Variants in ANK1 observed in about 807,000 individuals in gnomAD.
ANK1 encodes the protein ankyrin-1.
In ANK1, 51 loss-of-function variants were observed where a neutral mutation model predicts 210.4. The observed-to-expected ratio is 0.24, with a 90% CI of 0.19 to 0.31. ANK1 has a LOEUF of 0.31. Ranked by LOEUF, ANK1 falls within the 10% of genes least tolerant of loss-of-function variation. The pLI is 1.00. For missense variants in ANK1, 2,051 were observed against 2,504.4 expected, an observed-to-expected ratio of 0.82 and a Z score of 3.86; for synonymous variants, 967 against 1,025.9, an observed-to-expected ratio of 0.94 and a Z score of 1.10.
intron 1 of ANK1, among the ~76,000 whole-genome samples, chr8:41,861,548 G>A (rs139534634): frequency 2.0e-4 from 30 of 152,332 alleles, no homozygotes; most frequent in African/African-American, 6.5e-4. Context: ...AGCAGCAGCC[G>A]TGGCTTGGGA....
chr8:41,695,572 T>C (rs1033430664), intron 26 of ANK1, among the ~76,000 whole-genome samples: 6 of 152,342 alleles, frequency 3.9e-5, no homozygotes, highest in Non-Finnish European at 5.9e-5. Context: ...ACCAGTCTCA[T>C]TTCATGCGGG....
At position 41,728,013 on chromosome 8, in the gene ANK1, C is replaced by T; in HGVS notation, c.229-7G>A. 1 of 1,613,742 alleles carries T rather than the reference C, an allele frequency of 6.2e-7. No individual in the cohort carries two copies. Among genetic ancestry groups the T allele is most frequent in the Non-Finnish European group, 8.5e-7 (1 of 1,179,916 alleles). ...GCAGGGCCGTGTTCCCCTTCTGAAA[C>T]ACATGGGGGAAGGGAACAGAGGCGG... On this transcript the variant is annotated splice_region_variant and splice_polypyrimidine_tract_variant and intron_variant, in intron 3 of 42. Coordinates refer to ENST00000289734, the MANE Select transcript of ANK1 (RefSeq NM_000037.4).
intron 2 of ANK1, among the ~76,000 whole-genome samples, chr8:41,754,490 C>T (rs1289474550): frequency 1.3e-5 from 2 of 152,292 alleles, no homozygotes; most frequent in Non-Finnish European, 2.9e-5. Context: ...GCAAACAGTA[C>T]GCATTCTTTC....
At chr8:41,720,877 T>C (rs2150646640) in intron 9 of ANK1, among the ~76,000 whole-genome samples, 1 of 152,150 alleles carries the variant, frequency 6.6e-6, no homozygotes, top group Middle Eastern at 3.4e-3. Context: ...AGTTCGACAG[T>C]CCGGGGTGAG....
At chr8:41,717,298 T>C (rs1344745972) in intron 12 of ANK1, among the ~76,000 whole-genome samples, 1 of 152,260 alleles carries the variant, frequency 6.6e-6, no homozygotes, top group Non-Finnish European at 1.5e-5. Flanking sequence ...TGTCTGTGTA[T>C]TCTAGGTACA....
intron 1 of ANK1, among the ~76,000 whole-genome samples, chr8:41,835,458 A>G (rs545062001): frequency 3.3e-5 from 5 of 152,142 alleles, no homozygotes; most frequent in Non-Finnish European, 7.3e-5. Flanking sequence ...TCTCAAAAAT[A>G]AAATAAAATA....
At chr8:41,854,308 C>T (rs915771388) in intron 1 of ANK1, among the ~76,000 whole-genome samples, 8 of 152,154 alleles carry the variant, frequency 5.3e-5, no homozygotes, top group Non-Finnish European at 8.8e-5. Context: ...TGCTGTGACT[C>T]CGAATCTAGA....
At chr8:41,661,076 C>G in intron 42 of ANK1, 1 of 319,560 alleles carries the variant, frequency 3.1e-6, no homozygotes, top group South Asian at 3.1e-5. Flanking sequence ...GGGTCTTGCT[C>G]TGTTGCCCAG....
At chr8:41,841,767 C>T (rs941153509) in intron 1 of ANK1, among the ~76,000 whole-genome samples, 13 of 152,154 alleles carry the variant, frequency 8.5e-5, no homozygotes, top group East Asian at 1.9e-4. Flanking sequence ...TGACCCTTTC[C>T]GCCACACATC....
Position 41,693,143 on chromosome 8 carries a change from G to A in ANK1, c.3591C>T (p.Ala1197=), listed in dbSNP as rs1490565315. The A allele has an allele frequency of 1.2e-6, 2 of 1,613,884 alleles. No individual in the cohort carries two copies. The highest frequency in any genetic ancestry group is 1.3e-5 in the African/African-American group (1 of 75,046). ...DITGTTKLVY[A]NECANFTTNV... is the part of the protein sequence containing the mutation. The stretch of plus-strand genomic sequence containing the variant: ...TGGTGGTGAAGTTGGCGCACTCGTT[G>A]GCATATACAAGTTTGGTGGTTCCTG... Residue 1197 remains alanine, a synonymous_variant, in exon 30 of 43, where the codon GCC becomes GCT. Transcript: ENST00000289734.
At chr8:41,777,844 T>C (rs1381563277) in intron 1 of ANK1, among the ~76,000 whole-genome samples, 1 of 152,130 alleles carries the variant, frequency 6.6e-6, no homozygotes, top group East Asian at 1.9e-4. Context: ...GCACAGTGAA[T>C]CTAGTATCAA....
chr8:41,701,952 C>T (rs2839767), intron 21 of ANK1, 100 bp downstream of exon 21: 2 of 1,298,484 alleles, frequency 1.5e-6, no homozygotes, highest in African/African-American at 2.9e-5. Flanking sequence ...ACCCGCGTCC[C>T]GGAGCCCCAG....
chr8:41,737,930 T>G (rs1833841281), intron 2 of ANK1, among the ~76,000 whole-genome samples: 1 of 152,258 alleles, frequency 6.6e-6, no homozygotes, highest in South Asian at 2.1e-4. Flanking sequence ...GAACCTCGTC[T>G]GTGTCTGGCC....
In ANK1 at chr8:41,758,232, C is replaced by T. The variant is rs974811097; in HGVS notation, c.28-95G>A. ...CAGGCCCCCGCAGCAGCCCCTGCAT[C>T]CTCTGATGTGGCACCCTGGTGCCCA... On this transcript the variant is annotated intron_variant, in intron 1 of 42. Transcript: ENST00000289734. The T allele has an allele frequency of 2.4e-5, 27 of 1,121,990 alleles. No individual in the cohort carries two copies. In the African/African-American group the frequency reaches 3.8e-4, roughly 16 times the overall value. The allele number at this position is 1,121,990 out of a possible 1,614,324, so 69.5% of individuals were successfully genotyped here.
At chr8:41,817,465 T>G (rs775662092) in intron 1 of ANK1, among the ~76,000 whole-genome samples, 14 of 152,218 alleles carry the variant, frequency 9.2e-5, no homozygotes, top group Non-Finnish European at 5.9e-5. Flanking sequence ...AGCCTCAATG[T>G]GTAAGACGAG....
chr8:41,693,151 C>T lies in ANK1; in HGVS notation c.3583G>A (p.Val1195Ile), dbSNP rs1439575269. 1 of 1,613,994 alleles carries T rather than the reference C, an allele frequency of 6.2e-7. No homozygotes were observed. The highest frequency in any genetic ancestry group is 1.7e-5 in the Admixed American group (1 of 60,026). The part of the protein sequence containing the change: ...WEDITGTTKL[V>I]YANECANFTT... ...AAGTTGGCGCACTCGTTGGCATATA[C>T]AAGTTTGGTGGTTCCTGTTATGTCT... is the stretch of plus-strand genomic sequence containing the variant. Residue 1195 changes from valine (V) to isoleucine (I), a missense_variant, in exon 30 of 43, where the codon GTA becomes ATA. Around this residue, in one of 6 missense-constraint regions of ANK1, gnomAD observed 1,413 missense variants for 1,707.4 expected, o/e 0.83. Transcript: ENST00000289734.
At chr8:41,825,971 C>T (rs944615684) in intron 1 of ANK1, among the ~76,000 whole-genome samples, 4 of 152,144 alleles carry the variant, frequency 2.6e-5, no homozygotes, top group African/African-American at 9.7e-5. Flanking sequence ...ATTACCCAGT[C>T]TCGGGTATGT....
intron 1 of ANK1, among the ~76,000 whole-genome samples, chr8:41,769,461 T>C (rs1221588219): frequency 6.6e-6 from 1 of 152,180 alleles, no homozygotes; most frequent in African/African-American, 2.4e-5. Flanking sequence ...CAGTGGAATA[T>C]CTCAAGGGAT....
intron 3 of ANK1, among the ~76,000 whole-genome samples, chr8:41,733,304 G>C (rs1832675278): frequency 6.6e-6 from 1 of 152,310 alleles, no homozygotes; most frequent in South Asian, 2.1e-4. Flanking sequence ...TCAGTTTGGG[G>C]CTGAACAAGG....
Sources: allele counts gnomAD v4.1 joint callset (sites outside exome capture counted in the v4.1 genomes callset), GRCh38; gene constraint gnomAD v4.1.1; regional missense constraint gnomAD v4.1.1; transcripts MANE v1.5; gene names NCBI Gene and HGNC (gene_info 2026-07-23, HGNC 2026-07-21).